ADAM20: variants seen among roughly 807,000 people sequenced by gnomAD.
ADAM20 encodes the protein disintegrin and metalloproteinase domain-containing protein 20.
For missense variants in ADAM20, 871 were observed against 883.2 expected (o/e 0.99, Z 0.18); for synonymous variants, 305 against 310.2 (o/e 0.98, Z 0.18).
chr14:70,560,676 C>T, the ADAM20 span, among the ~76,000 whole-genome samples: 6 of 152,088 alleles, frequency 3.9e-5, no homozygotes, highest in South Asian at 1.0e-3. Flanking sequence ...TAATGATTCT[C>T]ATGAGATCTG....
At chr14:70,531,214 CCAAT>C (rs1339711331) in intron 1 of ADAM20, among the ~76,000 whole-genome samples, 1 of 152,060 alleles carries the variant, frequency 6.6e-6, no homozygotes, top group African/African-American at 2.4e-5. Context: ...CATTCAAAAA[CCAAT>C]CATTGTGATA....
Position 70,524,150 on chromosome 14 carries a change from C to T in ADAM20, c.608G>A (p.Trp203Ter). The T allele has an allele frequency of 6.2e-7, 1 of 1,613,804 alleles. No homozygotes were observed. Among genetic ancestry groups the T allele is most frequent in the African/African-American group, 1.3e-5 (1 of 75,024 alleles). The change falls in exon 2 of 2, where the codon TGG becomes TAG. Residue 203 changes from tryptophan (W) to a stop codon, truncating the protein, a stop_gained. Coordinates refer to ENST00000256389, the MANE Select transcript of ADAM20 (RefSeq NM_003814.5). LOFTEE classifies it low-confidence loss of function (END_TRUNC). Reference sequence around the variant, plus strand: ...CAGCTCAACAAACCGCTGATGGGTCCACCAGCCCACAAAAGAACTTTGCTT... The same window carrying T: ...CAGCTCAACAAACCGCTGATGGGTCTACCAGCCCACAAAAGAACTTTGCTT... The part of the protein sequence containing the change: ...TLKQSSFVGW[W>*]THQRFVELVV...
At chr14:70,573,720 G>A in the ADAM20 span, among the ~76,000 whole-genome samples, 1 of 151,934 alleles carries the variant, frequency 6.6e-6, no homozygotes, top group African/African-American at 2.4e-5. Flanking sequence ...GTAATTAAAA[G>A]AGCACAGAGG....
the ADAM20 span, among the ~76,000 whole-genome samples, chr14:70,564,740 T>G: frequency 1.3e-5 from 1 of 79,522 alleles, no homozygotes; most frequent in Admixed American, 1.1e-4. Flanking sequence ...GACGCAATTT[T>G]TTTTTTTTTT....
At chr14:70,560,033 G>A in the ADAM20 span, among the ~76,000 whole-genome samples, 1 of 152,122 alleles carries the variant, frequency 6.6e-6, no homozygotes, top group African/African-American at 2.4e-5. Context: ...GAAAATGTAG[G>A]AAAATCTAAA....
chr14:70,548,973 A>C, the ADAM20 span, among the ~76,000 whole-genome samples: 1 of 101,918 alleles, frequency 9.8e-6, no homozygotes, highest in African/African-American at 4.0e-5. Context: ...AAACCCTACA[A>C]GCCAGAAGAG....
At chr14:70,575,324 T>A in the ADAM20 span, among the ~76,000 whole-genome samples, 1 of 152,186 alleles carries the variant, frequency 6.6e-6, no homozygotes. Context: ...CCTCCCTAGT[T>A]GCTGGGACTA....
intron 1 of ADAM20, among the ~76,000 whole-genome samples, chr14:70,526,155 C>T (rs896121398): frequency 1.3e-5 from 2 of 152,208 alleles, no homozygotes; most frequent in Non-Finnish European, 2.9e-5. Flanking sequence ...GCTAACTTTG[C>T]TCAGTTCCTG....
upstream of ADAM20, among the ~76,000 whole-genome samples, chr14:70,537,860 C>A (rs1883868029): frequency 6.6e-6 from 1 of 152,084 alleles, no homozygotes; most frequent in South Asian, 2.1e-4. Flanking sequence ...TTCTCAGGGA[C>A]CTTGACAACT....
At chr14:70,569,236 G>T in the ADAM20 span, among the ~76,000 whole-genome samples, 1 of 152,166 alleles carries the variant, frequency 6.6e-6, no homozygotes, top group Admixed American at 6.5e-5. Context: ...AAGGGAATTT[G>T]TCTCCACCAG....
rs370410951 is a variant in ADAM20, at chr14:70,524,316, T to C, written c.442A>G (p.Ile148Val). 5.0e-6 allele frequency: 8 copies of C among 1,613,936 alleles called. No homozygotes were observed. The highest frequency in any genetic ancestry group is 1.1e-5 in the South Asian group (1 of 91,088). Residue 148 changes from isoleucine (I) to valine (V), a missense_variant, in exon 2 of 2, where the codon ATT becomes GTT. Physicochemically the swap from Ile to Val is conservative, Grantham distance 29. Coordinates refer to ENST00000256389, the MANE Select transcript of ADAM20 (RefSeq NM_003814.5). ...TGTTCAAATGTGGCAGAAACACTAA[T>C]TGGCTTGATTTCATAAACAAGGTCA... ...INDLVYEIKPISVSATFEHLV... is the reference protein window; with the variant it reads ...INDLVYEIKPVSVSATFEHLV...
At chr14:70,561,140 T>C in the ADAM20 span, among the ~76,000 whole-genome samples, 8 of 152,172 alleles carry the variant, frequency 5.3e-5, no homozygotes, top group African/African-American at 1.9e-4. Context: ...TGGTCTCAGA[T>C]GGAGATGAGG....
rs75330497 is a variant in ADAM20 at position 70,532,534 on chromosome 14, T to G, written c.-177+2263A>C. Among the ~76,000 whole-genome samples the G allele has an allele frequency of 9.3e-3, 1,411 of 152,274 alleles. 25 individuals carry two copies. Among genetic ancestry groups the G allele is most frequent in the African/African-American group, 0.032 (1,324 of 41,562 alleles). On this transcript the variant is annotated intron_variant, in intron 1 of 1. Coordinates refer to ENST00000256389, the MANE Select transcript of ADAM20 (RefSeq NM_003814.5). Reference sequence around the variant, plus strand: ...TCAACAGATTGGAAACAGATGGGCATGTAGTGGCATCATAATTATTTAAAT... The same window carrying G: ...TCAACAGATTGGAAACAGATGGGCAGGTAGTGGCATCATAATTATTTAAAT...
At chr14:70,546,152 A>G in the ADAM20 span, among the ~76,000 whole-genome samples, 1 of 152,236 alleles carries the variant, frequency 6.6e-6, no homozygotes, top group East Asian at 1.9e-4. Context: ...ATTTCTTGAA[A>G]CAAATGGTAA....
rs554571922 is a variant in ADAM20, at chr14:70,534,800, T to G, written c.-180A>C. On this transcript the variant is annotated 5_prime_UTR_variant, in exon 1 of 2. Coordinates refer to ENST00000256389, the MANE Select transcript of ADAM20 (RefSeq NM_003814.5). Reference sequence around the variant, plus strand: ...AGCTCCTTCTAGCAAATCTTACCTCTGTGTCTTTCAGTGTTCCATTTTTAT... The same window carrying G: ...AGCTCCTTCTAGCAAATCTTACCTCGGTGTCTTTCAGTGTTCCATTTTTAT... 1 of 152,330 alleles carries G rather than the reference T, an allele frequency of 6.6e-6. No individual in the cohort carries two copies. Among genetic ancestry groups the G allele is most frequent in the East Asian group, 1.9e-4 (1 of 5,184 alleles). 9.4% of individuals were successfully genotyped at this position (152,330 alleles called of 1,614,324 possible). A position where few individuals can be genotyped will look rare whatever the true frequency, so the allele number is the denominator to read the frequency against.
chr14:70,572,248 G>A, the ADAM20 span, among the ~76,000 whole-genome samples: 1 of 151,938 alleles, frequency 6.6e-6, no homozygotes, highest in Non-Finnish European at 1.5e-5. Flanking sequence ...TACAAAAACA[G>A]ATGCATAGAT....
the ADAM20 span, among the ~76,000 whole-genome samples, chr14:70,559,647 C>T: frequency 6.6e-6 from 1 of 152,218 alleles, no homozygotes; most frequent in East Asian, 1.9e-4. Context: ...CTCCTGCCAT[C>T]ACTATCGCTC....
At chr14:70,555,217 T>A in the ADAM20 span, among the ~76,000 whole-genome samples, 1 of 152,210 alleles carries the variant, frequency 6.6e-6, no homozygotes, top group Non-Finnish European at 1.5e-5. Flanking sequence ...TTAACAGTAT[T>A]GTATTTTATA....
At chr14:70,570,856 T>G in the ADAM20 span, among the ~76,000 whole-genome samples, 1 of 152,052 alleles carries the variant, frequency 6.6e-6, no homozygotes, top group East Asian at 1.9e-4. Flanking sequence ...TGCAAAAATC[T>G]TCAACAACAT....
Sources: gnomAD v4.1 joint callset for allele counts (sites outside exome capture counted in the v4.1 genomes callset) on GRCh38, gnomAD v4.1.1 for gene constraint, MANE v1.5 for transcripts, NCBI Gene and HGNC (gene_info 2026-07-23, HGNC 2026-07-21) for gene names.